The following ATM variants were observed in gnomAD, a reference collection of about 807,000 sequenced individuals.
ATM encodes serine-protein kinase ATM.
ATM carries 308 observed loss-of-function variants against 387.0 expected under a neutral mutation model. The observed-to-expected ratio is 0.80, with a 90% CI of 0.73 to 0.87. ATM has a LOEUF of 0.87. Among genes scored for constraint, ATM ranks in the 40% least tolerant of loss-of-function variants. The pLI, the probability that ATM is intolerant of heterozygous loss-of-function variation, is 0.00. For missense variants in ATM, 3,312 were observed against 3,560.9 expected, an observed-to-expected ratio of 0.93 and a Z score of 1.78; for synonymous variants, 1,156 against 1,187.3, an observed-to-expected ratio of 0.97 and a Z score of 0.54.
chr11:108,284,111 G>C (rs1209363034), intron 25 of ATM, 116 bp from the exon 26 acceptor site: 1 of 749,418 alleles, frequency 1.3e-6, no homozygotes, highest in Admixed American at 3.0e-5. Context: ...TAATAATCTG[G>C]ATAAAGTATG....
intron 18 of ATM, among the ~76,000 whole-genome samples, chr11:108,270,106 T>G (rs371009442): frequency 6.6e-6 from 1 of 152,242 alleles, no homozygotes; most frequent in Non-Finnish European, 1.5e-5. Context: ...TATTTCAGTA[T>G]AGCCAGAAAA....
At chr11:108,269,048 C>G (rs1483449941) in intron 18 of ATM, among the ~76,000 whole-genome samples, 1 of 152,156 alleles carries the variant, frequency 6.6e-6, no homozygotes, top group Non-Finnish European at 1.5e-5. Context: ...ATCATTCCCT[C>G]TCTCCACACA....
chr11:108,297,383 G>T lies in ATM; in HGVS notation c.5005+1G>T, dbSNP rs1057517427. 10 of 1,610,282 alleles carry T rather than the reference G, an allele frequency of 6.2e-6. No homozygotes were observed. The highest frequency in any genetic ancestry group is 8.5e-6 in the Non-Finnish European group (10 of 1,176,766). On this transcript the variant is annotated splice_donor_variant, in intron 33 of 62. Transcript: ENST00000675843. LOFTEE classifies it high-confidence loss of function. ...CACACTGGTGAAAAAGAAGTTCTAG[G>T]TAAACTACAGTCATGCGCTGCGTGA...
chr11:108,255,364 T>A (rs1282615076), intron 13 of ATM, among the ~76,000 whole-genome samples: 1 of 151,500 alleles, frequency 6.6e-6, no homozygotes, highest in Non-Finnish European at 1.5e-5. Flanking sequence ...ACAAAAAAAA[T>A]CTGAACATTT....
chr11:108,335,176 C>T (rs1276410870), intron 55 of ATM, 67 bp downstream of exon 55: 15 of 1,608,434 alleles, frequency 9.3e-6, no homozygotes, highest in Non-Finnish European at 1.3e-5. Flanking sequence ...TTCATATTTT[C>T]TTTCTGCTTT....
At chr11:108,237,899 G>GTTTTTTTTTTTTTTTTTTTTTTTTTTTT (rs369161623) in intron 5 of ATM, among the ~76,000 whole-genome samples, 9 of 92,036 alleles carry the variant, frequency 9.8e-5, no homozygotes, top group Non-Finnish European at 1.2e-4. Context: ...ATTTACTTAG[G>GTTTTTTTTTTTTTTTTTTTTTTTTTTTT]TTTTTTTTTT....
intron 4 of ATM, 87 bp from the exon 5 acceptor site, chr11:108,235,583 A>G (rs1243382291): frequency 8.0e-7 from 1 of 1,256,474 alleles, no homozygotes; most frequent in East Asian, 2.5e-5. Flanking sequence ...GTAATTTCCC[A>G]AATGGAATTA....
chr11:108,358,512 A>G (rs1227679628), intron 61 of ATM, among the ~76,000 whole-genome samples: 1 of 147,202 alleles, frequency 6.8e-6, no homozygotes, highest in Admixed American at 6.9e-5. Flanking sequence ...CCAAAGTTGA[A>G]ATGAAGGAAA....
rs746424711 is a variant in ATM, at chr11:108,268,415, A to G, written c.2644A>G (p.Ile882Val). The change falls in exon 18 of 63, where the codon ATT becomes GTT. Residue 882 changes from isoleucine (I) to valine (V), a missense_variant. By Grantham distance (29) the Ile-to-Val change is conservative. Around this residue, in one of 4 missense-constraint regions of ATM, gnomAD observed 1,791 missense variants for 1,804.5 expected, o/e 0.99. Coordinates refer to ENST00000675843, the MANE Select transcript of ATM (RefSeq NM_000051.4). ...PGESQSTIGA[I>V]NPLAEEYLSK... ...TGAGTGCTTTTTATTTTTAGGTGCC[A>G]TTAATCCTTTAGCTGAAGAATATCT... The G allele has an allele frequency of 2.5e-6, 4 of 1,613,548 alleles. No individual in the cohort carries two copies. Among genetic ancestry groups the G allele is most frequent in the South Asian group, 1.1e-5 (1 of 91,068 alleles).
In ATM at chr11:108,335,120, C is replaced by T. The variant is rs555381912; in HGVS notation, c.8151+11C>T. 25 of 1,613,890 alleles carry T rather than the reference C, an allele frequency of 1.5e-5. No homozygotes were observed. The East Asian group carries it at 4.2e-4, about 27-fold the overall frequency. ...AGACAGCTTGTTAAGGTGAGCCTTC[C>T]CTTCTCTGGCTTAGCCCTTAGAGTT... On this transcript the variant is annotated intron_variant, in intron 55 of 62. Coordinates refer to ENST00000675843, the MANE Select transcript of ATM (RefSeq NM_000051.4).
chr11:108,256,862 G>T (rs1429218488), intron 14 of ATM, among the ~76,000 whole-genome samples: 1 of 152,054 alleles, frequency 6.6e-6, no homozygotes, highest in Middle Eastern at 3.2e-3. Context: ...CTTTTTTATG[G>T]CTGCATAGTA....
Position 108,368,335 on chromosome 11 carries a change from A to C in ATM, c.*2827A>C, listed in dbSNP as rs2091439738. On this transcript the variant is annotated 3_prime_UTR_variant, in exon 63 of 63. Coordinates refer to ENST00000675843, the MANE Select transcript of ATM (RefSeq NM_000051.4). The stretch of plus-strand genomic sequence containing the variant: ...TTGGCAAGCTGGAACTCTTTCTGCA[A>C]ATGACTAAGATAGAAAACTGCCAAG... The C allele has an allele frequency of 4.6e-6, 1 of 215,398 alleles. No homozygotes were observed. Among genetic ancestry groups the C allele is most frequent in the Non-Finnish European group, 9.4e-6 (1 of 106,918 alleles). The allele number at this position is 215,398 out of a possible 1,614,324, so 13.3% of individuals were successfully genotyped here. A position where few individuals can be genotyped will look rare whatever the true frequency, so the allele number is the denominator to read the frequency against.
intron 25 of ATM, among the ~76,000 whole-genome samples, chr11:108,283,366 TG>T (rs2135696972): frequency 6.6e-6 from 1 of 152,316 alleles, no homozygotes; most frequent in African/African-American, 2.4e-5. Context: ...ACTTTAACTC[TG>T]TAGAAGAAAA....
chr11:108,289,708 T>C lies in ATM; in HGVS notation c.4343T>C (p.Leu1448Ser). 1 of 1,613,726 alleles carries C rather than the reference T, an allele frequency of 6.2e-7. No individual in the cohort carries two copies. Residue 1448 changes from leucine (L) to serine (S), a missense_variant, in exon 29 of 63, where the codon TTA becomes TCA. Leu to Ser is a moderately radical substitution (Grantham distance 145). Coordinates refer to ENST00000675843, the MANE Select transcript of ATM (RefSeq NM_000051.4). ...ILKIYHLFVS[L>S]LLKDIKSGLG... is the part of the protein sequence containing the mutation. The stretch of plus-strand genomic sequence containing the variant: ...AAAATATATCACCTGTTTGTTAGTT[T>C]ATTACTGAAAGATATAAAAAGTGGC...
At chr11:108,297,110 G>A in intron 32 of ATM, 177 bp from the exon 33 acceptor site, 1 of 588,510 alleles carries the variant, frequency 1.7e-6, no homozygotes, top group Non-Finnish European at 3.0e-6. Flanking sequence ...AAAAGAATCT[G>A]TTGTATTAAG....
intron 55 of ATM, 29 bp from the exon 56 acceptor site, chr11:108,335,816 T>A: frequency 6.5e-7 from 1 of 1,545,128 alleles, no homozygotes; most frequent in Non-Finnish European, 8.9e-7. Flanking sequence ...TAAACTGTAC[T>A]TGTTTATTCA....
rs1565520641 is a variant in ATM at position 108,326,148 on chromosome 11, T to C, written c.6898T>C (p.Trp2300Arg). Residue 2300 changes from tryptophan (W) to arginine (R), a missense_variant, in exon 47 of 63, where the codon TGG becomes CGG. Around this residue, in one of 4 missense-constraint regions of ATM, gnomAD observed 1,405 missense variants for 1,604.4 expected, o/e 0.88. Transcript: ENST00000675843. ...EWQLEEAQVF[W>R]AKKEQSLALS... ...GCAGCTGGAAGAAGCACAAGTATTC[T>C]GGGCAAAAAAGGAGCAGAGTCTTGC... 6.2e-7 allele frequency: 1 copy of C among 1,614,092 alleles called. No homozygotes were observed. Among genetic ancestry groups the C allele is most frequent in the African/African-American group, 1.3e-5 (1 of 75,036 alleles).
chr11:108,223,183 A>G lies in ATM; in HGVS notation c.-34A>G, dbSNP rs563999137. 6 of 166,152 alleles carry G rather than the reference A, an allele frequency of 3.6e-5. No homozygotes were observed. The South Asian group carries it at 7.7e-4, about 21-fold the overall frequency. 10.3% of individuals were successfully genotyped at this position (166,152 alleles called of 1,614,324 possible). On this transcript the variant is annotated 5_prime_UTR_variant, in exon 1 of 63. Transcript: ENST00000675843. The stretch of plus-strand genomic sequence containing the variant: ...GATACTACTTTGACCTTCCGAGTGC[A>G]GTGGTAGGGGCGCGGAGGCAACGCA...
At chr11:108,246,070 C>T (rs544301535) in intron 7 of ATM, among the ~76,000 whole-genome samples, 60 of 152,088 alleles carry the variant, frequency 3.9e-4, no homozygotes, top group African/African-American at 1.3e-3. Flanking sequence ...ACCATCCACC[C>T]GCCTCAGCCT....
Sources: allele counts gnomAD v4.1 joint callset (sites outside exome capture counted in the v4.1 genomes callset), GRCh38; gene constraint gnomAD v4.1.1; regional missense constraint gnomAD v4.1.1; transcripts MANE v1.5; gene names NCBI Gene and HGNC (gene_info 2026-07-23, HGNC 2026-07-21).